Variants in IGFL2 observed in about 807,000 individuals in gnomAD.
The protein encoded by IGFL2 is insulin growth factor-like family member 2.
In IGFL2, 7 loss-of-function variants were observed where a neutral mutation model predicts 13.9. The ratio of observed to expected loss-of-function variants is 0.51; its 90% CI spans 0.29 to 0.95. The LOEUF is 0.95. Among genes scored for constraint, IGFL2 ranks in the 40% least tolerant of loss-of-function variants. The probability of loss-of-function intolerance (pLI) is 0.08; values close to 1 mark genes in which losing one functional copy is unlikely to be tolerated. For synonymous variants in IGFL2, 55 were observed against 55.8 expected (o/e 0.99, Z 0.07); for missense variants, 138 against 147.8 (o/e 0.93, Z 0.34).
upstream of IGFL2, among the ~76,000 whole-genome samples, chr19:46,147,504 C>T (rs1973201018): frequency 6.6e-6 from 1 of 152,236 alleles, no homozygotes; most frequent in Non-Finnish European, 1.5e-5. Context: ...CTCGAGCTGG[C>T]TTTGATTGCA....
chr19:46,085,978 T>G, the IGFL2 span, among the ~76,000 whole-genome samples: 2,776 of 152,306 alleles, frequency 0.018, 92 homozygotes, highest in African/African-American at 0.062. Flanking sequence ...TGCTTCATAT[T>G]TCATGTAGGC....
the IGFL2 span, among the ~76,000 whole-genome samples, chr19:46,181,609 C>T: frequency 6.6e-6 from 1 of 152,206 alleles, no homozygotes; most frequent in Admixed American, 6.5e-5. Context: ...CACTCCCTCC[C>T]AGGAACTGAC....
chr19:46,157,434 T>C (rs1973885774), intron 1 of IGFL2, among the ~76,000 whole-genome samples: 1 of 152,188 alleles, frequency 6.6e-6, no homozygotes, highest in Non-Finnish European at 1.5e-5. Flanking sequence ...ACATCATGCC[T>C]ATGTAGGGCT....
At chr19:46,144,640 T>TTTTA (rs1253809116), upstream of IGFL2, among the ~76,000 whole-genome samples, 1 of 152,204 alleles carries the variant, frequency 6.6e-6, no homozygotes, top group Non-Finnish European at 1.5e-5. Flanking sequence ...AATAAGTGAA[T>TTTTA]ACAAAGGTCA....
At chr19:46,090,138 CT>C in the IGFL2 span, among the ~76,000 whole-genome samples, 46 of 152,060 alleles carry the variant, frequency 3.0e-4, 1 homozygote, top group Middle Eastern at 3.4e-3. Context: ...GCTGTTTAGA[CT>C]CTGTATTGCA....
chr19:46,146,889 C>T (rs1440485193), upstream of IGFL2, among the ~76,000 whole-genome samples: 1 of 152,182 alleles, frequency 6.6e-6, no homozygotes, highest in Non-Finnish European at 1.5e-5. Flanking sequence ...TCTCACCCTC[C>T]CACCTATCTC....
the IGFL2 span, among the ~76,000 whole-genome samples, chr19:46,176,028 TTTTTTG>T: frequency 7.0e-6 from 1 of 142,054 alleles, no homozygotes; most frequent in Admixed American, 7.1e-5. Flanking sequence ...TTTTTTTTTT[TTTTTTG>T]AGTGGAGACG....
chr19:46,198,941 G>A, the IGFL2 span, among the ~76,000 whole-genome samples: 2 of 152,202 alleles, frequency 1.3e-5, no homozygotes, highest in Admixed American at 6.5e-5. Context: ...GGACAAAAGA[G>A]CAAGTGAAGA....
At chr19:46,158,956 A>G (rs1261955703) in intron 1 of IGFL2, 1 of 152,188 alleles carries the variant, frequency 6.6e-6, no homozygotes, top group Non-Finnish European at 1.5e-5. Flanking sequence ...TGCCTTCCTC[A>G]TAGGCATTGG....
the IGFL2 span, among the ~76,000 whole-genome samples, chr19:46,178,120 T>TA: frequency 2.0e-5 from 3 of 151,708 alleles, no homozygotes; most frequent in East Asian, 3.9e-4. Context: ...CTACTAAAAA[T>TA]AAAAAAATTA....
upstream of IGFL2, among the ~76,000 whole-genome samples, chr19:46,144,606 T>A (rs1348519978): frequency 6.6e-6 from 1 of 152,226 alleles, no homozygotes; most frequent in African/African-American, 2.4e-5. Flanking sequence ...GTATAAAATA[T>A]GTATTCAAAA....
chr19:46,210,515 A>G, the IGFL2 span, among the ~76,000 whole-genome samples: 1 of 152,194 alleles, frequency 6.6e-6, no homozygotes, highest in African/African-American at 2.4e-5. Context: ...AAGGTCCCAC[A>G]ATAGGCCATC....
At chr19:46,097,029 A>G in the IGFL2 span, among the ~76,000 whole-genome samples, 1 of 152,218 alleles carries the variant, frequency 6.6e-6, no homozygotes, top group Non-Finnish European at 1.5e-5. Context: ...TGCTGGCCTC[A>G]TAAATGAGTT....
the IGFL2 span, chr19:46,124,256 T>A: frequency 1.9e-6 from 3 of 1,610,356 alleles, 1 homozygote; most frequent in Non-Finnish European, 2.5e-6. Flanking sequence ...TTTTTCCCTG[T>A]CCTGTCCTTA....
chr19:46,144,101 G>A (rs1972993371), upstream of IGFL2, among the ~76,000 whole-genome samples: 2 of 152,200 alleles, frequency 1.3e-5, no homozygotes, highest in Admixed American at 1.3e-4. Flanking sequence ...AAAGAGTCAG[G>A]CTTTGCAAAA....
the IGFL2 span, among the ~76,000 whole-genome samples, chr19:46,192,746 G>GA: frequency 6.6e-6 from 1 of 151,948 alleles, no homozygotes; most frequent in African/African-American, 2.4e-5. Context: ...AGAATTATTT[G>GA]AAGTATTTTT....
the IGFL2 span, among the ~76,000 whole-genome samples, chr19:46,128,196 A>G: frequency 6.6e-6 from 1 of 152,062 alleles, no homozygotes; most frequent in Non-Finnish European, 1.5e-5. Flanking sequence ...CATTGATTTT[A>G]TATCCTGCAA....
the IGFL2 span, among the ~76,000 whole-genome samples, chr19:46,086,240 G>T: frequency 6.6e-6 from 1 of 151,702 alleles, no homozygotes. Context: ...AATATTGTTG[G>T]TTTTTTTGTA....
chr19:46,107,321 G>A, the IGFL2 span, among the ~76,000 whole-genome samples: 56 of 152,314 alleles, frequency 3.7e-4, no homozygotes, highest in African/African-American at 1.3e-3. Context: ...CAGCCACTAA[G>A]CTGAGAAGAT....
Sources: allele counts gnomAD v4.1 joint callset (sites outside exome capture counted in the v4.1 genomes callset), GRCh38; gene constraint gnomAD v4.1.1; transcripts MANE v1.5; gene names NCBI Gene and HGNC (gene_info 2026-07-23, HGNC 2026-07-21).